CCSER1: variants seen among roughly 807,000 people sequenced by gnomAD.
CCSER1 encodes the protein serine-rich coiled-coil domain-containing protein 1.
CCSER1 carries 41 observed loss-of-function variants against 82.0 expected under a neutral mutation model. The ratio of observed to expected loss-of-function variants is 0.50; its 90% CI spans 0.39 to 0.65. The LOEUF (loss-of-function observed/expected upper bound fraction) is 0.65, where lower values mean the gene tolerates loss of function less well. CCSER1 is among the 30% of genes least tolerant of loss of function. CCSER1 has a pLI of 0.00. For synonymous variants in CCSER1, 414 were observed against 383.9 expected (o/e 1.08, Z -0.92); for missense variants, 1,119 against 1,064.2 (o/e 1.05, Z -0.72).
chr4:90,446,170 G>T (rs2153575581), intron 4 of CCSER1, among the ~76,000 whole-genome samples: 1 of 152,266 alleles, frequency 6.6e-6, no homozygotes, highest in South Asian at 2.1e-4. Context: ...ATTAGCTCCA[G>T]TATATTTGAG....
intron 3 of CCSER1, among the ~76,000 whole-genome samples, chr4:90,342,311 C>G (rs186709100): frequency 2.0e-5 from 3 of 152,216 alleles, no homozygotes; most frequent in Admixed American, 1.3e-4. Context: ...ATATATGAGG[C>G]CTTTACACTT....
intron 10 of CCSER1, among the ~76,000 whole-genome samples, chr4:91,244,609 A>C (rs1415381335): frequency 6.6e-6 from 1 of 152,226 alleles, no homozygotes; most frequent in Non-Finnish European, 1.5e-5. Flanking sequence ...TGCAAAATTC[A>C]CAGCATTATA....
chr4:90,588,163 G>A (rs1290430227), intron 5 of CCSER1, among the ~76,000 whole-genome samples: 2 of 152,170 alleles, frequency 1.3e-5, no homozygotes, highest in African/African-American at 4.8e-5. Context: ...AGCTTGGGTA[G>A]CTGTACCAGT....
At position 90,309,996 on chromosome 4, in the gene CCSER1, A is replaced by C. The variant is rs1735015895; in HGVS notation, c.1324+388A>C. On this transcript the variant is annotated intron_variant, in intron 2 of 10. Transcript: ENST00000509176. ...TATTATAGAGGCATTGGTATTTCTT[A>C]TTTAATGAAATGGATATATTCCAGC... Among the ~76,000 whole-genome samples the C allele has an allele frequency of 2.0e-5, 3 of 152,236 alleles. No homozygotes were observed. In the South Asian group the frequency reaches 6.2e-4, roughly 32 times the overall value.
chr4:91,158,775 G>A (rs1731083417), intron 10 of CCSER1, among the ~76,000 whole-genome samples: 1 of 151,918 alleles, frequency 6.6e-6, no homozygotes, highest in Admixed American at 6.6e-5. Flanking sequence ...AAGTGGAACA[G>A]TGACTTCCTT....
At chr4:90,726,720 C>A (rs963745094) in intron 7 of CCSER1, among the ~76,000 whole-genome samples, 21 of 152,078 alleles carry the variant, frequency 1.4e-4, no homozygotes, top group Admixed American at 1.2e-3. Context: ...TGTTTAAAAA[C>A]CATTGCTAGA....
At chr4:91,097,997 C>T (rs1328922282) in intron 10 of CCSER1, among the ~76,000 whole-genome samples, 1 of 152,088 alleles carries the variant, frequency 6.6e-6, no homozygotes, top group African/African-American at 2.4e-5. Context: ...ACTGATGATA[C>T]AAACCTCAGA....
chr4:91,172,383 A>C (rs995145441), intron 10 of CCSER1, among the ~76,000 whole-genome samples: 1 of 152,224 alleles, frequency 6.6e-6, no homozygotes, highest in Non-Finnish European at 1.5e-5. Flanking sequence ...ATGGAAAGGC[A>C]TTCTAGGAAA....
chr4:91,577,608 A>C (rs991253685), intron 10 of CCSER1, among the ~76,000 whole-genome samples: 6 of 152,028 alleles, frequency 3.9e-5, no homozygotes, highest in Admixed American at 3.9e-4. Flanking sequence ...GGACCTTGAA[A>C]GGGTCTTGTA....
intron 5 of CCSER1, among the ~76,000 whole-genome samples, chr4:90,519,795 C>A (rs1318665351): frequency 6.6e-6 from 1 of 151,984 alleles, no homozygotes; most frequent in African/African-American, 2.4e-5. Flanking sequence ...AGCAAAAGAT[C>A]ATTTACATTT....
chr4:90,385,053 G>T (rs1001003043), intron 3 of CCSER1, among the ~76,000 whole-genome samples: 14 of 152,130 alleles, frequency 9.2e-5, no homozygotes, highest in Admixed American at 9.2e-4. Context: ...TGTTGCAAAA[G>T]ACATTATTTC....
intron 10 of CCSER1, among the ~76,000 whole-genome samples, chr4:91,474,364 G>C (rs1757445301): frequency 6.6e-6 from 1 of 151,556 alleles, no homozygotes; most frequent in Non-Finnish European, 1.5e-5. Context: ...TTCTTATATT[G>C]TGTTACAATT....
intron 5 of CCSER1, among the ~76,000 whole-genome samples, chr4:90,617,080 T>G (rs1721416915): frequency 6.6e-6 from 1 of 152,192 alleles, no homozygotes. Flanking sequence ...AAAATACAAT[T>G]ATTACACATA....
At chr4:91,318,012 G>A (rs1036857809) in intron 10 of CCSER1, among the ~76,000 whole-genome samples, 14 of 151,896 alleles carry the variant, frequency 9.2e-5, no homozygotes, top group African/African-American at 2.9e-4. Context: ...TAGTGGTTTT[G>A]GAGAGGCAGA....
intron 10 of CCSER1, among the ~76,000 whole-genome samples, chr4:91,112,342 C>G (rs1266649026): frequency 6.6e-6 from 1 of 151,820 alleles, no homozygotes; most frequent in African/African-American, 2.4e-5. Context: ...TAAAGTTTGA[C>G]TGTGTTCTGA....
chr4:90,711,803 T>C (rs978536790), intron 6 of CCSER1, among the ~76,000 whole-genome samples: 7 of 151,840 alleles, frequency 4.6e-5, no homozygotes, highest in Non-Finnish European at 4.4e-5. Flanking sequence ...TTTTTTGTTG[T>C]TGTATCTCTG....
chr4:90,264,573 A>G (rs973995928), intron 1 of CCSER1, among the ~76,000 whole-genome samples: 2 of 152,138 alleles, frequency 1.3e-5, no homozygotes. Flanking sequence ...TTTCCTGTTT[A>G]CTGGAATGCT....
At chr4:91,150,304 G>T (rs1033810064) in intron 10 of CCSER1, among the ~76,000 whole-genome samples, 2 of 152,156 alleles carry the variant, frequency 1.3e-5, no homozygotes, top group African/African-American at 4.8e-5. Context: ...GTATAAAAAT[G>T]CCTGTGATTT....
chr4:91,026,801 G>T (rs1740525685), intron 9 of CCSER1, among the ~76,000 whole-genome samples: 1 of 151,972 alleles, frequency 6.6e-6, no homozygotes, highest in Admixed American at 6.6e-5. Context: ...TTTAAAGGAA[G>T]AAGCCATGTT....
Sources: gnomAD v4.1 joint callset for allele counts (sites outside exome capture counted in the v4.1 genomes callset) on GRCh38, gnomAD v4.1.1 for gene constraint, MANE v1.5 for transcripts, NCBI Gene and HGNC (gene_info 2026-07-23, HGNC 2026-07-21) for gene names.